TAFA5: variants seen among roughly 807,000 people sequenced by gnomAD.
TAFA5 encodes the protein chemokine-like protein TAFA-5.
TAFA5 carries 6 observed loss-of-function variants against 15.3 expected under a neutral mutation model. The observed-to-expected ratio is 0.39, with a 90% CI of 0.21 to 0.77. The LOEUF (loss-of-function observed/expected upper bound fraction) is 0.77. TAFA5 is among the 30% of genes least tolerant of loss of function. The pLI, the probability that TAFA5 is intolerant of heterozygous loss-of-function variation, is 0.41. For missense variants in TAFA5, 161 were observed against 193.1 expected, an observed-to-expected ratio of 0.83 and a Z score of 0.98; for synonymous variants, 103 against 80.7, an observed-to-expected ratio of 1.28 and a Z score of -1.48.
intron 1 of TAFA5, among the ~76,000 whole-genome samples, chr22:48,572,734 C>A (rs1923633035): frequency 2.0e-5 from 3 of 152,128 alleles, no homozygotes; most frequent in Admixed American, 2.0e-4. Context: ...GGTAAAAAGC[C>A]TATTTTTGAT....
chr22:48,677,013 C>CGTG (rs1193393376), intron 2 of TAFA5, among the ~76,000 whole-genome samples: 3 of 152,234 alleles, frequency 2.0e-5, no homozygotes, highest in African/African-American at 7.2e-5. Context: ...TCTGCTCTCT[C>CGTG]GTGGAGGACG....
At chr22:48,562,376 G>A (rs939731129) in intron 1 of TAFA5, among the ~76,000 whole-genome samples, 1 of 152,174 alleles carries the variant, frequency 6.6e-6, no homozygotes, top group African/African-American at 2.4e-5. Context: ...CTGACCTCGC[G>A]ATCTGCCTGC....
chr22:48,573,141 C>G (rs1228694731), intron 1 of TAFA5, among the ~76,000 whole-genome samples: 1 of 152,140 alleles, frequency 6.6e-6, no homozygotes. Flanking sequence ...GAAGACACAC[C>G]CACCCGGCAC....
intron 2 of TAFA5, among the ~76,000 whole-genome samples, chr22:48,702,829 G>A (rs567685078): frequency 2.0e-5 from 3 of 152,366 alleles, no homozygotes; most frequent in East Asian, 1.9e-4. Flanking sequence ...GTGGCCCGGC[G>A]CTGTGCCTCT....
chr22:48,709,176 G>C (rs1026835437), intron 3 of TAFA5, among the ~76,000 whole-genome samples: 26 of 152,322 alleles, frequency 1.7e-4, no homozygotes, highest in African/African-American at 5.5e-4. Flanking sequence ...CAGGAGGAGT[G>C]TGAGGCCAGG....
chr22:48,589,723 C>T (rs1184037471), intron 1 of TAFA5, among the ~76,000 whole-genome samples: 2 of 152,046 alleles, frequency 1.3e-5, no homozygotes, highest in Admixed American at 6.6e-5. Context: ...GTGAAGATAG[C>T]GCAGGGTCTG....
chr22:48,582,773 C>CA (rs1924119899), intron 1 of TAFA5, among the ~76,000 whole-genome samples: 1 of 148,320 alleles, frequency 6.7e-6, no homozygotes, highest in East Asian at 2.0e-4. Flanking sequence ...ACAAAATACA[C>CA]CACACACACC....
chr22:48,626,542 G>A (rs539039889), intron 1 of TAFA5, among the ~76,000 whole-genome samples: 133 of 152,258 alleles, frequency 8.7e-4, no homozygotes, highest in African/African-American at 3.1e-3. Context: ...GTCTGTGCTC[G>A]TATTGTTCAG....
At chr22:48,618,778 C>T (rs1360057059) in intron 1 of TAFA5, among the ~76,000 whole-genome samples, 1 of 152,206 alleles carries the variant, frequency 6.6e-6, no homozygotes, top group Non-Finnish European at 1.5e-5. Context: ...TTGAGGATGG[C>T]TGTGCTGGGG....
intron 2 of TAFA5, among the ~76,000 whole-genome samples, chr22:48,650,106 G>A (rs998121692): frequency 2.6e-5 from 4 of 152,170 alleles, no homozygotes; most frequent in Non-Finnish European, 4.4e-5. Context: ...CTTGCTCTGC[G>A]TGCATAATAA....
intron 1 of TAFA5, among the ~76,000 whole-genome samples, chr22:48,554,997 G>A (rs557374306): frequency 1.2e-4 from 18 of 152,308 alleles, no homozygotes. Flanking sequence ...CCTGAGGCTG[G>A]GGCTCTGAGA....
At chr22:48,694,984 G>A (rs944512423) in intron 2 of TAFA5, among the ~76,000 whole-genome samples, 3 of 151,778 alleles carry the variant, frequency 2.0e-5, no homozygotes, top group African/African-American at 4.8e-5. Context: ...AGCTTCAAAC[G>A]TGCCCTGCAG....
intron 1 of TAFA5, among the ~76,000 whole-genome samples, chr22:48,585,521 C>T (rs889269541): frequency 6.6e-6 from 1 of 150,824 alleles, no homozygotes; most frequent in Admixed American, 6.6e-5. Context: ...AACTAGATAC[C>T]ACACACCACT....
In TAFA5 at chr22:48,736,239, C is replaced by T. The variant is rs1245583439; in HGVS notation, c.391-13600C>T. 1.8e-4 allele frequency among the ~76,000 whole-genome samples: 14 copies of T among 79,810 alleles called. 4 individuals carry two copies. The highest frequency in any genetic ancestry group is 2.9e-4 in the Non-Finnish European group (11 of 37,624). The allele number at this position is 79,810 out of a possible 152,430, so 52.4% of individuals were successfully genotyped here. A position where few individuals can be genotyped will look rare whatever the true frequency, so the allele number is the denominator to read the frequency against. ...CCATCCCCCCAGGAGGAATGAGAAT[C>T]GCACTCCTAGGGTCCCTCCCCGCAG... On this transcript the variant is annotated intron_variant, in intron 3 of 3. Coordinates refer to ENST00000402357, the MANE Select transcript of TAFA5 (RefSeq NM_001082967.3).
intron 1 of TAFA5, among the ~76,000 whole-genome samples, chr22:48,494,714 G>A (rs1288415666): frequency 6.6e-6 from 1 of 152,202 alleles, no homozygotes; most frequent in Non-Finnish European, 1.5e-5. Flanking sequence ...CAGCCACCCT[G>A]CTCCTCCCTT....
chr22:48,576,039 A>G (rs1484875802), intron 1 of TAFA5, among the ~76,000 whole-genome samples: 6 of 31,432 alleles, frequency 1.9e-4, no homozygotes, highest in East Asian at 1.1e-3. Flanking sequence ...GCCGCGCCGG[A>G]CCCCCCCCCC....
At chr22:48,723,436 G>T (rs996805230) in intron 3 of TAFA5, among the ~76,000 whole-genome samples, 1 of 152,068 alleles carries the variant, frequency 6.6e-6, no homozygotes, top group African/African-American at 2.4e-5. Flanking sequence ...CGGCGTCTTC[G>T]TCACTGCGGC....
At chr22:48,683,289 G>A (rs1408577158) in intron 2 of TAFA5, among the ~76,000 whole-genome samples, 1 of 152,246 alleles carries the variant, frequency 6.6e-6, no homozygotes, top group Admixed American at 6.5e-5. Flanking sequence ...ATTACACACA[G>A]ACGAGAGTGC....
In TAFA5 at chr22:48,703,631, G is replaced by A. The variant is rs969978843; in HGVS notation, c.263-4086G>A. On this transcript the variant is annotated intron_variant, in intron 2 of 3. Coordinates refer to ENST00000402357, the MANE Select transcript of TAFA5 (RefSeq NM_001082967.3). ...TGCTGGGTAGTGCGCTGTGGCCTGCGCCGTATCCACCCTCAGCGTCCTTCT... is the reference window on the plus strand; with the variant it reads ...TGCTGGGTAGTGCGCTGTGGCCTGCACCGTATCCACCCTCAGCGTCCTTCT... 5.3e-5 allele frequency among the ~76,000 whole-genome samples: 8 copies of A among 152,344 alleles called. No homozygotes were observed. In the South Asian group the frequency reaches 6.2e-4, roughly 12 times the overall value.
Sources: gnomAD v4.1 joint callset for allele counts (sites outside exome capture counted in the v4.1 genomes callset) on GRCh38, gnomAD v4.1.1 for gene constraint, MANE v1.5 for transcripts, NCBI Gene and HGNC (gene_info 2026-07-23, HGNC 2026-07-21) for gene names.